STAP1: variants seen among roughly 807,000 people sequenced by gnomAD.
STAP1 encodes signal-transducing adaptor protein 1.
STAP1 carries 30 observed loss-of-function variants against 37.8 expected under a neutral mutation model. That is an observed-to-expected ratio of 0.79 (90% CI 0.59 to 1.08). The LOEUF (loss-of-function observed/expected upper bound fraction) is 1.08. STAP1 is among the 50% of genes least tolerant of loss of function. STAP1 has a pLI of 0.00. For synonymous variants in STAP1, 130 were observed against 116.0 expected (o/e 1.12, Z -0.78); for missense variants, 357 against 349.4 (o/e 1.02, Z -0.17).
At chr4:67,595,786 T>A (rs903824812) in intron 8 of STAP1, among the ~76,000 whole-genome samples, 1 of 152,214 alleles carries the variant, frequency 6.6e-6, no homozygotes, top group Non-Finnish European at 1.5e-5. Flanking sequence ...TTTAGAATCA[T>A]CCTGTTGCCA....
chr4:67,606,537 C>A lies in STAP1; in HGVS notation c.*180C>A. ...TTTCATTATCTTATCAGAATGAAAC[C>A]AATTCACAGGGAAACTAGAGACTAC... On this transcript the variant is annotated 3_prime_UTR_variant, in exon 9 of 9. Coordinates refer to ENST00000265404, the MANE Select transcript of STAP1 (RefSeq NM_012108.4). 1 of 562,502 alleles carries A rather than the reference C, an allele frequency of 1.8e-6. No individual in the cohort carries two copies. The highest frequency in any genetic ancestry group is 3.0e-6 in the Non-Finnish European group (1 of 330,474). 34.8% of individuals were successfully genotyped at this position (562,502 alleles called of 1,614,324 possible).
chr4:67,577,305 A>G, intron 4 of STAP1, 46 bp downstream of exon 4: 1 of 1,539,938 alleles, frequency 6.5e-7, no homozygotes, highest in Non-Finnish European at 8.9e-7. Context: ...TTTTTCAACA[A>G]ATATCTGCTG....
At chr4:67,575,335 T>C in intron 2 of STAP1, 50 bp from the exon 3 acceptor site, 2 of 1,248,038 alleles carry the variant, frequency 1.6e-6, no homozygotes, top group Non-Finnish European at 2.2e-6. Flanking sequence ...CTAGAACTAA[T>C]GTGTATTACC....
At chr4:67,605,388 C>CAAAAAAAAAA in intron 8 of STAP1, among the ~76,000 whole-genome samples, 1 of 124,748 alleles carries the variant, frequency 8.0e-6, no homozygotes, top group Non-Finnish European at 1.6e-5. Context: ...ATAGACAATA[C>CAAAAAAAAAA]AAAAAAAAAA....
intron 2 of STAP1, 98 bp downstream of exon 2, chr4:67,571,253 A>G: frequency 1.3e-6 from 1 of 781,960 alleles, no homozygotes; most frequent in Non-Finnish European, 2.1e-6. Flanking sequence ...AAGAATAAAG[A>G]TGCTCTGGTA....
At chr4:67,575,293 T>A in intron 2 of STAP1, 92 bp from the exon 3 acceptor site, 6 of 762,436 alleles carry the variant, frequency 7.9e-6, no homozygotes, top group Non-Finnish European at 8.3e-6. Context: ...ACTAATTAGT[T>A]GAAAGGAAGA....
intron 1 of STAP1, among the ~76,000 whole-genome samples, chr4:67,568,538 A>G (rs1727524262): frequency 6.6e-6 from 1 of 152,198 alleles, no homozygotes; most frequent in African/African-American, 2.4e-5. Flanking sequence ...AATAAACTTA[A>G]TTGAATGAAA....
chr4:67,585,521 T>C lies in STAP1; in HGVS notation c.659+1819T>C, dbSNP rs143036987. 1.8e-3 allele frequency among the ~76,000 whole-genome samples: 280 copies of C among 152,340 alleles called. 3 individuals are homozygous for C. Among genetic ancestry groups the C allele is most frequent in the South Asian group, 0.015 (72 of 4,826 alleles). Reference sequence around the variant, plus strand: ...TGTTAGATGGTAAATCAGGTCATGGTTCTTTGTGTAAGGAAATGTGTGTGT... The same window carrying C: ...TGTTAGATGGTAAATCAGGTCATGGCTCTTTGTGTAAGGAAATGTGTGTGT... On this transcript the variant is annotated intron_variant, in intron 6 of 8. Transcript: ENST00000265404.
chr4:67,593,974 C>T lies in STAP1; in HGVS notation c.826+618C>T, dbSNP rs150127987. On this transcript the variant is annotated intron_variant, in intron 8 of 8. Coordinates refer to ENST00000265404, the MANE Select transcript of STAP1 (RefSeq NM_012108.4). Reference sequence around the variant, plus strand: ...AAAACAGTTATAGCAAACCATCAAACCGAGCATGAGACCCTATGCAACTGC... The same window carrying T: ...AAAACAGTTATAGCAAACCATCAAATCGAGCATGAGACCCTATGCAACTGC... Among the ~76,000 whole-genome samples the T allele has an allele frequency of 1.9e-3, 294 of 152,310 alleles. 1 individual carries two copies. The highest frequency in any genetic ancestry group is 0.017 in the Middle Eastern group (5 of 294).
At chr4:67,571,838 C>T (rs1476761027) in intron 2 of STAP1, among the ~76,000 whole-genome samples, 1 of 152,122 alleles carries the variant, frequency 6.6e-6, no homozygotes, top group Non-Finnish European at 1.5e-5. Context: ...ATAATTAGAA[C>T]ATCATTATTA....
intron 2 of STAP1, among the ~76,000 whole-genome samples, chr4:67,573,559 G>T (rs1197123051): frequency 6.6e-6 from 1 of 152,024 alleles, no homozygotes; most frequent in Non-Finnish European, 1.5e-5. Context: ...AAAGATTTCT[G>T]TTTAATTTTA....
At chr4:67,603,213 A>G (rs1728381933) in intron 8 of STAP1, among the ~76,000 whole-genome samples, 1 of 152,146 alleles carries the variant, frequency 6.6e-6, no homozygotes, top group South Asian at 2.1e-4. Flanking sequence ...CTCAAGGCCC[A>G]AGGGCTCTTC....
chr4:67,577,651 C>CT (rs71219058), intron 4 of STAP1, among the ~76,000 whole-genome samples: 110 of 91,572 alleles, frequency 1.2e-3, no homozygotes, highest in African/African-American at 3.5e-3. Flanking sequence ...TTCTTTCTTT[C>CT]TTTTTTTTTT....
Position 67,583,993 on chromosome 4 carries a change from G to A in STAP1, c.659+291G>A, listed in dbSNP as rs184131722. On this transcript the variant is annotated intron_variant, in intron 6 of 8. Transcript: ENST00000265404. ...CGTGCCTGTAGTCCCAGCTACTCGG[G>A]AGGCTGAGGCGGGGGAATTGCTTGA... Among the ~76,000 whole-genome samples the A allele has an allele frequency of 4.5e-3, 680 of 151,874 alleles. 6 individuals carry two copies. Among genetic ancestry groups the A allele is most frequent in the African/African-American group, 0.016 (662 of 41,370 alleles).
At chr4:67,573,603 T>G (rs1267049728) in intron 2 of STAP1, among the ~76,000 whole-genome samples, 3 of 152,170 alleles carry the variant, frequency 2.0e-5, no homozygotes, top group Non-Finnish European at 2.9e-5. Flanking sequence ...CCTTCCATAT[T>G]TTTTGAATGT....
Position 67,571,107 on chromosome 4 carries a change from G to A in STAP1, c.144G>A (p.Glu48=), listed in dbSNP as rs767034229. 6.2e-7 allele frequency: 1 copy of A among 1,611,744 alleles called. No homozygotes were observed. The highest frequency in any genetic ancestry group is 2.2e-5 in the East Asian group (1 of 44,800). The change falls in exon 2 of 9, where the codon GAG becomes GAA. Residue 48 remains glutamate (E), a synonymous_variant. Transcript: ENST00000265404. The stretch of plus-strand genomic sequence containing the variant: ...AGGAGTATGAGCATTACTGGACAGA[G>A]TTGAGAGGAACTACTCTTTTCTTTT... ...GYREYEHYWT[E]LRGTTLFFYT...
rs34185676 is a variant in STAP1, at chr4:67,595,372, CAAAAAAAAAAAAAA to C, written c.826+2032_826+2045del. ...GCAACATAGGGAGACTTCGTTTCTA[CAAAAAAAAAAAAAA>C]AAAAAAAAAAAAAAATGCTGGGTAT... On this transcript the variant is annotated intron_variant, in intron 8 of 8. Transcript: ENST00000265404. 2.6e-4 allele frequency among the ~76,000 whole-genome samples: 23 copies of C among 87,786 alleles called. No individual in the cohort carries two copies. The East Asian group carries it at 2.7e-3, about 10-fold the overall frequency. The allele number at this position is 87,786 out of a possible 152,430, so 57.6% of individuals were successfully genotyped here. A position where few individuals can be genotyped will look rare whatever the true frequency, so the allele number is the denominator to read the frequency against.
chr4:67,588,615 T>C (rs1728051583), intron 6 of STAP1, among the ~76,000 whole-genome samples: 1 of 152,098 alleles, frequency 6.6e-6, no homozygotes, highest in Non-Finnish European at 1.5e-5. Flanking sequence ...TTCACCGTGT[T>C]AGCCAGGATG....
intron 6 of STAP1, among the ~76,000 whole-genome samples, chr4:67,587,476 C>T (rs1728009629): frequency 6.6e-6 from 1 of 152,180 alleles, no homozygotes; most frequent in African/African-American, 2.4e-5. Context: ...TTACCTAGCC[C>T]AATGGTGCGT....
Sources: gnomAD v4.1 joint callset for allele counts (sites outside exome capture counted in the v4.1 genomes callset) on GRCh38, gnomAD v4.1.1 for gene constraint, MANE v1.5 for transcripts, NCBI Gene and HGNC (gene_info 2026-07-23, HGNC 2026-07-21) for gene names.